The following EGLN1 variants were observed in gnomAD, a reference collection of about 807,000 sequenced individuals.
The protein encoded by EGLN1 is egl nine homolog 1.
In EGLN1, 17 loss-of-function variants were observed where a neutral mutation model predicts 38.3. The observed-to-expected ratio is 0.44, with a 90% CI of 0.30 to 0.67. The LOEUF (loss-of-function observed/expected upper bound fraction) is 0.67. Ranked by LOEUF, EGLN1 falls within the 30% of genes least tolerant of loss-of-function variation. EGLN1 has a pLI of 0.08. For synonymous variants in EGLN1, 283 were observed against 257.5 expected (o/e 1.10, Z -0.95); for missense variants, 477 against 603.3 (o/e 0.79, Z 2.19).
chr1:231,415,950 C>T (rs954774412), intron 1 of EGLN1, among the ~76,000 whole-genome samples: 28 of 151,792 alleles, frequency 1.8e-4, no homozygotes, highest in African/African-American at 6.8e-4. Flanking sequence ...CGGGTTCAAG[C>T]GATTCTCCTA....
At chr1:231,381,323 T>C (rs1688073576) in intron 1 of EGLN1, among the ~76,000 whole-genome samples, 1 of 152,184 alleles carries the variant, frequency 6.6e-6, no homozygotes, top group Non-Finnish European at 1.5e-5. Flanking sequence ...GTTTTTATTA[T>C]CGGTACAGGA....
intron 1 of EGLN1, among the ~76,000 whole-genome samples, chr1:231,378,792 A>G (rs1248355307): frequency 6.6e-6 from 1 of 152,060 alleles, no homozygotes; most frequent in African/African-American, 2.4e-5. Flanking sequence ...AGGGATACAA[A>G]GCTTAGAGAA....
At chr1:231,375,522 A>C (rs1022170715) in intron 1 of EGLN1, among the ~76,000 whole-genome samples, 2 of 152,262 alleles carry the variant, frequency 1.3e-5, no homozygotes, top group Non-Finnish European at 2.9e-5. Context: ...GAGGCATCTT[A>C]AACCTAAATC....
At chr1:231,404,631 T>A (rs1572043729) in intron 1 of EGLN1, among the ~76,000 whole-genome samples, 1 of 152,116 alleles carries the variant, frequency 6.6e-6, no homozygotes, top group East Asian at 1.9e-4. Flanking sequence ...AATTTTTTTT[T>A]AAAGAATAAA....
At chr1:231,374,606 CTCCTGGGCTCAGGT>C in intron 1 of EGLN1, among the ~76,000 whole-genome samples, 1 of 152,128 alleles carries the variant, frequency 6.6e-6, no homozygotes, top group South Asian at 2.1e-4. Flanking sequence ...CGGCCTCAAC[CTCCTGGGCTCAGGT>C]GATTCTCCCA....
chr1:231,400,531 A>ATT (rs1688640270), intron 1 of EGLN1, among the ~76,000 whole-genome samples: 1 of 152,176 alleles, frequency 6.6e-6, no homozygotes, highest in Non-Finnish European at 1.5e-5. Flanking sequence ...CTACTTGACC[A>ATT]ATACCATATG....
chr1:231,413,013 T>C (rs1381034548), intron 1 of EGLN1, among the ~76,000 whole-genome samples: 1 of 138,342 alleles, frequency 7.2e-6, no homozygotes, highest in East Asian at 2.3e-4. Context: ...TCATTTCCTA[T>C]CCTACTACAT....
intron 1 of EGLN1, among the ~76,000 whole-genome samples, chr1:231,405,473 A>G (rs1451360817): frequency 8.5e-5 from 13 of 152,096 alleles, no homozygotes; most frequent in Admixed American, 3.9e-4. Flanking sequence ...CACCATGCCC[A>G]GCCAATATAA....
intron 1 of EGLN1, among the ~76,000 whole-genome samples, chr1:231,405,330 C>A (rs1688761059): frequency 6.6e-6 from 1 of 152,100 alleles, no homozygotes; most frequent in South Asian, 2.1e-4. Flanking sequence ...CAGGTGCCCG[C>A]CACCATGCCC....
In EGLN1 at chr1:231,379,078, T is replaced by C. The variant is rs116164035; in HGVS notation, c.892-4979A>G. On this transcript the variant is annotated intron_variant, in intron 1 of 4. Coordinates refer to ENST00000366641, the MANE Select transcript of EGLN1 (RefSeq NM_022051.3). Reference sequence around the variant, plus strand: ...CTAAACTGGAGTGAAAAGAAAAAAATTGCCGAAGGTCAGAGACTCTAAATG... The same window carrying C: ...CTAAACTGGAGTGAAAAGAAAAAAACTGCCGAAGGTCAGAGACTCTAAATG... Among the ~76,000 whole-genome samples the C allele has an allele frequency of 8.2e-3, 1,247 of 152,202 alleles. 20 individuals are homozygous for C. The highest frequency in any genetic ancestry group is 0.028 in the African/African-American group (1,143 of 41,522).
chr1:231,378,561 G>A (rs1372186031), intron 1 of EGLN1, among the ~76,000 whole-genome samples: 2 of 152,096 alleles, frequency 1.3e-5, no homozygotes, highest in African/African-American at 2.4e-5. Flanking sequence ...CTCCCAAAGT[G>A]CTAGGACTAC....
intron 3 of EGLN1, 144 bp downstream of exon 3, chr1:231,370,418 A>G: frequency 1.1e-6 from 1 of 877,112 alleles, no homozygotes; most frequent in Non-Finnish European, 1.8e-6. Flanking sequence ...GTGCAACATA[A>G]ATCTTATACA....
chr1:231,405,645 A>C (rs1688769909), intron 1 of EGLN1, among the ~76,000 whole-genome samples: 1 of 152,134 alleles, frequency 6.6e-6, no homozygotes, highest in Non-Finnish European at 1.5e-5. Context: ...AGGCAATACT[A>C]GCAGGTCCTA....
At chr1:231,408,666 A>G (rs1688853223) in intron 1 of EGLN1, among the ~76,000 whole-genome samples, 1 of 152,168 alleles carries the variant, frequency 6.6e-6, no homozygotes. Context: ...TGAGTACACC[A>G]ATGTTGGAAA....
chr1:231,370,728 A>G (rs1687798876), intron 2 of EGLN1, 30 bp from the exon 3 acceptor site: 1 of 1,613,640 alleles, frequency 6.2e-7, no homozygotes. Flanking sequence ...TGTAAGCAGG[A>G]GTAACCAAAA....
chr1:231,421,482 G>C lies in EGLN1; in HGVS notation c.407C>G (p.Ser136Trp), dbSNP rs1336065364. 1 of 1,392,936 alleles carries C rather than the reference G, an allele frequency of 7.2e-7. No individual in the cohort carries two copies. Among genetic ancestry groups the C allele is most frequent in the African/African-American group, 1.5e-5 (1 of 65,498 alleles). 86.3% of individuals were successfully genotyped at this position (1,392,936 alleles called of 1,614,324 possible). Residue 136 changes from serine (S) to tryptophan (W), a missense_variant, in exon 1 of 5, where the codon TCG becomes TGG. Ser to Trp is a radical substitution (Grantham distance 177). Transcript: ENST00000366641. This position sits in a 1 kb window ranked among gnomAD's most constrained non-coding sequence, Gnocchi z 5.5. ...PCRAAAGGQG[S>W]AVAAEAEPGK... ...GGGCTCGGCTTCGGCAGCCACCGCC[G>C]AGCCCTGGCCGCCGGCGGCCGCACG...
intron 1 of EGLN1, chr1:231,420,098 G>C (rs1306273442): frequency 6.6e-6 from 1 of 152,152 alleles, no homozygotes; most frequent in East Asian, 1.9e-4. Context: ...GGAGGAAAGA[G>C]GGAATAGACT....
At chr1:231,403,157 C>T (rs371532330) in intron 1 of EGLN1, among the ~76,000 whole-genome samples, 1 of 152,170 alleles carries the variant, frequency 6.6e-6, no homozygotes, top group African/African-American at 2.4e-5. Context: ...TATGGCCTAG[C>T]ACCTGTTGTA....
At chr1:231,420,919 G>A (rs955873402) in intron 1 of EGLN1, 79 bp downstream of exon 1, 13 of 1,612,246 alleles carry the variant, frequency 8.1e-6, no homozygotes, top group South Asian at 1.1e-5. Context: ...CTGCTTCTCA[G>A]CCTAGGCAGT....
Sources: gnomAD v4.1 joint callset for allele counts (sites outside exome capture counted in the v4.1 genomes callset) on GRCh38, gnomAD v4.1.1 for gene constraint, Gnocchi (gnomAD v3.1) non-coding constraint, MANE v1.5 for transcripts, NCBI Gene and HGNC (gene_info 2026-07-23, HGNC 2026-07-21) for gene names.